NELL1: variants seen among roughly 807,000 people sequenced by gnomAD.
NELL1 encodes the protein neural EGFL like 1, also known as protein kinase C-binding protein NELL1.
In NELL1, 76 loss-of-function variants were observed where a neutral mutation model predicts 107.4. The observed-to-expected ratio is 0.71, with a 90% CI of 0.59 to 0.86. The LOEUF is 0.86. Among genes scored for constraint, NELL1 ranks in the 40% least tolerant of loss-of-function variants. The probability of loss-of-function intolerance (pLI) is 0.00; values close to 1 mark genes in which losing one functional copy is unlikely to be tolerated. For synonymous variants in NELL1, 353 were observed against 341.2 expected (o/e 1.03, Z -0.38); for missense variants, 1,024 against 1,005.5 (o/e 1.02, Z -0.25).
chr11:21,292,252 G>A (rs2133961382), intron 14 of NELL1, among the ~76,000 whole-genome samples: 1 of 152,218 alleles, frequency 6.6e-6, no homozygotes, highest in South Asian at 2.1e-4. Context: ...GAAAATCAAT[G>A]TGCAAAAATC....
intron 15 of NELL1, among the ~76,000 whole-genome samples, chr11:21,516,670 G>A (rs984481698): frequency 6.7e-6 from 1 of 149,270 alleles, no homozygotes; most frequent in African/African-American, 2.5e-5. Context: ...AAAAGGTACA[G>A]TAAAAATATA....
Position 21,574,992 on chromosome 11 carries a change from T to C in NELL1, c.2403T>C (p.Ser801=), listed in dbSNP as rs1159565727. 6.2e-7 allele frequency: 1 copy of C among 1,611,112 alleles called. No individual in the cohort carries two copies. The highest frequency in any genetic ancestry group is 8.5e-7 in the Non-Finnish European group (1 of 1,178,180). The change falls in exon 20 of 20, where the codon TCT becomes TCC. Residue 801 remains serine, a synonymous_variant. Coordinates refer to ENST00000357134, the MANE Select transcript of NELL1 (RefSeq NM_006157.5). ...CKCKNGRVCC[S]VDFECLQNN is the part of the protein sequence containing the mutation. ...TACAGAATGGAAGAGTCTGTTGTTC[T>C]GTGGATTTTGAGTGTCTTCAAAATA... is the stretch of plus-strand genomic sequence containing the variant.
chr11:21,153,668 C>T (rs561865332), intron 13 of NELL1, among the ~76,000 whole-genome samples: 1 of 152,200 alleles, frequency 6.6e-6, no homozygotes, highest in African/African-American at 2.4e-5. Flanking sequence ...TCACTCTTGG[C>T]CTTTTGGCTA....
chr11:21,352,439 T>G (rs1386349993), intron 14 of NELL1, among the ~76,000 whole-genome samples: 2 of 151,950 alleles, frequency 1.3e-5, no homozygotes, highest in Non-Finnish European at 2.9e-5. Context: ...ACATAGAAGA[T>G]TTTTTTTAAC....
rs144299824 is a variant in NELL1, at chr11:20,708,150, A to G, written c.184+30090A>G. 2.7e-3 allele frequency among the ~76,000 whole-genome samples: 409 copies of G among 152,364 alleles called. 3 individuals carry two copies. The highest frequency in any genetic ancestry group is 9.5e-3 in the African/African-American group (396 of 41,588). Reference sequence around the variant, plus strand: ...GGGCGTGGGACTCTCTGAACCAGGCACAGGATATAATCTCCTAATGTGCTT... The same window carrying G: ...GGGCGTGGGACTCTCTGAACCAGGCGCAGGATATAATCTCCTAATGTGCTT... On this transcript the variant is annotated intron_variant, in intron 2 of 19. Transcript: ENST00000357134.
At chr11:21,240,178 C>A (rs1487606989) in intron 14 of NELL1, among the ~76,000 whole-genome samples, 1 of 152,006 alleles carries the variant, frequency 6.6e-6, no homozygotes, top group Non-Finnish European at 1.5e-5. Flanking sequence ...CACTATTCCA[C>A]CCCCAGAAAT....
chr11:21,292,547 T>C (rs910632972), intron 14 of NELL1, among the ~76,000 whole-genome samples: 5 of 152,092 alleles, frequency 3.3e-5, no homozygotes, highest in Non-Finnish European at 7.4e-5. Context: ...AAAGCTACCA[T>C]TGACTTTCTT....
intron 13 of NELL1, among the ~76,000 whole-genome samples, chr11:21,145,621 A>G (rs1855960750): frequency 6.6e-6 from 1 of 152,186 alleles, no homozygotes; most frequent in Admixed American, 6.5e-5. Flanking sequence ...TTACAATGAA[A>G]GAGTCAAATA....
chr11:21,041,532 A>T (rs988943523), intron 12 of NELL1, among the ~76,000 whole-genome samples: 6 of 152,130 alleles, frequency 3.9e-5, no homozygotes, highest in African/African-American at 1.4e-4. Flanking sequence ...TCTGGAGAAA[A>T]TGTGGTTCCA....
chr11:21,037,891 C>T (rs1853135394), intron 12 of NELL1, among the ~76,000 whole-genome samples: 1 of 152,108 alleles, frequency 6.6e-6, no homozygotes, highest in African/African-American at 2.4e-5. Context: ...ATGGAAGTGT[C>T]CCCAGTTCTT....
At chr11:20,683,380 C>A (rs1439334921) in intron 2 of NELL1, among the ~76,000 whole-genome samples, 1 of 151,816 alleles carries the variant, frequency 6.6e-6, no homozygotes, top group Non-Finnish European at 1.5e-5. Flanking sequence ...TTATGTGTTG[C>A]TGAGGTTTGG....
At chr11:21,317,656 G>A (rs1215793876) in intron 14 of NELL1, among the ~76,000 whole-genome samples, 2 of 151,998 alleles carry the variant, frequency 1.3e-5, no homozygotes, top group East Asian at 2.0e-4. Context: ...GAGTGGTATA[G>A]GAAAGAAGGC....
At chr11:21,540,137 T>C (rs1324974543) in intron 16 of NELL1, among the ~76,000 whole-genome samples, 2 of 152,160 alleles carry the variant, frequency 1.3e-5, no homozygotes, top group South Asian at 2.1e-4. Flanking sequence ...AGTCAGGGTA[T>C]TTGAGGTGTC....
At chr11:20,934,308 T>C (rs1258335589) in intron 9 of NELL1, among the ~76,000 whole-genome samples, 3 of 152,212 alleles carry the variant, frequency 2.0e-5, no homozygotes, top group African/African-American at 7.2e-5. Flanking sequence ...CATTCTGCAC[T>C]AGTGCCAAAT....
intron 12 of NELL1, among the ~76,000 whole-genome samples, chr11:21,080,008 G>C (rs1484401991): frequency 6.6e-6 from 1 of 151,938 alleles, no homozygotes; most frequent in Non-Finnish European, 1.5e-5. Flanking sequence ...ACTGATGTGT[G>C]ATTCATTACT....
intron 15 of NELL1, among the ~76,000 whole-genome samples, chr11:21,463,390 A>G (rs141857720): frequency 5.0e-4 from 76 of 152,226 alleles, no homozygotes; most frequent in African/African-American, 1.7e-3. Flanking sequence ...TGCCTCATCA[A>G]TCAGGGTCAA....
chr11:21,252,323 T>C (rs1050958035), intron 14 of NELL1, among the ~76,000 whole-genome samples: 5 of 151,940 alleles, frequency 3.3e-5, no homozygotes, highest in African/African-American at 1.2e-4. Flanking sequence ...ATTGTAACAT[T>C]GGTTTTGGGG....
intron 12 of NELL1, among the ~76,000 whole-genome samples, chr11:20,981,211 C>T (rs933436906): frequency 1.5e-4 from 23 of 152,074 alleles, no homozygotes; most frequent in African/African-American, 4.8e-4. Flanking sequence ...AAAAGGATGC[C>T]AGACAGAAGG....
intron 15 of NELL1, among the ~76,000 whole-genome samples, chr11:21,495,868 G>A (rs538958075): frequency 6.6e-6 from 1 of 152,068 alleles, no homozygotes; most frequent in Non-Finnish European, 1.5e-5. Context: ...TTTTCTTGAT[G>A]TTTCTGCATA....
Sources: gnomAD v4.1 joint callset for allele counts (sites outside exome capture counted in the v4.1 genomes callset) on GRCh38, gnomAD v4.1.1 for gene constraint, MANE v1.5 for transcripts, NCBI Gene and HGNC (gene_info 2026-07-23, HGNC 2026-07-21) for gene names.